The following TSC22D1 variants were observed in gnomAD, a reference collection of about 807,000 sequenced individuals.
TSC22D1 encodes the protein TSC22 domain family protein 1.
TSC22D1 carries 9 observed loss-of-function variants against 74.2 expected under a neutral mutation model. That is an observed-to-expected ratio of 0.12 (90% CI 0.07 to 0.21). The LOEUF (loss-of-function observed/expected upper bound fraction) is 0.21, where lower values mean the gene tolerates loss of function less well. TSC22D1 is among the 10% of genes least tolerant of loss of function. The pLI, the probability that TSC22D1 is intolerant of heterozygous loss-of-function variation, is 1.00. For synonymous variants in TSC22D1, 586 were observed against 492.5 expected (o/e 1.19, Z -2.51); for missense variants, 1,427 against 1,304.7 (o/e 1.09, Z -1.44).
chr13:44,432,417 C>T lies in TSC22D1; in HGVS notation c.*2209G>A, dbSNP rs1566105730. ...TTTTTTCAAGGAAATGTAATTACTACGTAAGTATTCCTTTATTAAATTTGA... is the reference window on the plus strand; with the variant it reads ...TTTTTTCAAGGAAATGTAATTACTATGTAAGTATTCCTTTATTAAATTTGA... On this transcript the variant is annotated 3_prime_UTR_variant, in exon 3 of 3. Transcript: ENST00000458659. The T allele has an allele frequency of 6.6e-6, 1 of 152,150 alleles. No individual in the cohort carries two copies. Among genetic ancestry groups the T allele is most frequent in the Non-Finnish European group, 1.5e-5 (1 of 68,012 alleles). 9.4% of individuals were successfully genotyped at this position (152,150 alleles called of 1,614,324 possible).
chr13:44,542,475 A>T (rs9533901), intron 1 of TSC22D1, among the ~76,000 whole-genome samples: 13,262 of 152,158 alleles, frequency 0.087, 741 homozygotes, highest in Non-Finnish European at 0.12. Context: ...CAACAAACTT[A>T]GATTTAAAAA....
At chr13:44,544,372 A>G (rs1216349661) in intron 1 of TSC22D1, among the ~76,000 whole-genome samples, 3 of 151,202 alleles carry the variant, frequency 2.0e-5, no homozygotes, top group Non-Finnish European at 4.4e-5. Context: ...AAAAAAACCC[A>G]CCCAAGTTCT....
At chr13:44,490,832 G>A (rs1043856421) in intron 1 of TSC22D1, among the ~76,000 whole-genome samples, 1 of 151,602 alleles carries the variant, frequency 6.6e-6, no homozygotes, top group Non-Finnish European at 1.5e-5. Context: ...GGGAGGTGGA[G>A]GTTGCGGTGA....
At chr13:44,529,119 A>G (rs895817688) in intron 1 of TSC22D1, among the ~76,000 whole-genome samples, 1 of 152,070 alleles carries the variant, frequency 6.6e-6, no homozygotes, top group Non-Finnish European at 1.5e-5. Context: ...CTAGAAAAAG[A>G]TAATACTAGA....
Position 44,575,856 on chromosome 13 carries a change from A to G in TSC22D1, c.219T>C (p.Ser73=). 6.2e-7 allele frequency: 1 copy of G among 1,614,092 alleles called. No homozygotes were observed. Among genetic ancestry groups the G allele is most frequent in the Non-Finnish European group, 8.5e-7 (1 of 1,180,002 alleles). The change falls in exon 1 of 3, where the codon TCT becomes TCC. Residue 73 remains serine (S), a synonymous_variant. Transcript: ENST00000458659. ...LLQPPPPAAS[S]TSGPQPPPPQ... Reference sequence around the variant, plus strand: ...GAGGCGGAGGCTGTGGTCCCGACGTAGAAGATGCTGCAGGGGGCGGCGGCT... The same window carrying G: ...GAGGCGGAGGCTGTGGTCCCGACGTGGAAGATGCTGCAGGGGGCGGCGGCT...
chr13:44,512,429 A>G (rs536654077), intron 1 of TSC22D1, among the ~76,000 whole-genome samples: 39 of 151,822 alleles, frequency 2.6e-4, no homozygotes, highest in Non-Finnish European at 5.4e-4. Flanking sequence ...TCGGCCTCCC[A>G]AAGTGCTGGG....
At chr13:44,487,498 CAAAAAAAAAAAAA>C (rs61034237) in intron 1 of TSC22D1, among the ~76,000 whole-genome samples, 9 of 23,460 alleles carry the variant, frequency 3.8e-4, no homozygotes, top group Admixed American at 8.8e-4. Context: ...GACTCCATCT[CAAAAAAAAAAAAA>C]AAAAAAAAAA....
At chr13:44,486,422 T>C (rs901287653) in intron 1 of TSC22D1, among the ~76,000 whole-genome samples, 7 of 152,138 alleles carry the variant, frequency 4.6e-5, no homozygotes, top group Admixed American at 4.6e-4. Context: ...CATAACAGGC[T>C]TCAATGCACC....
rs770253902 is a variant in TSC22D1 at position 44,483,529 on chromosome 13, C to A, written c.2913-47434G>T. Among the ~76,000 whole-genome samples the A allele has an allele frequency of 7.9e-5, 12 of 152,000 alleles. 1 individual carries two copies. The highest frequency in any genetic ancestry group is 2.0e-4 in the Admixed American group (3 of 15,262). ...ACAAAAAATAAATAAAAAAATTAGC[C>A]GGGCGTGGTAGCAGGCGCCTGTAGT... On this transcript the variant is annotated intron_variant, in intron 1 of 2. Transcript: ENST00000458659.
chr13:44,470,288 A>C (rs1191739199), intron 1 of TSC22D1, among the ~76,000 whole-genome samples: 3 of 152,168 alleles, frequency 2.0e-5, no homozygotes, highest in African/African-American at 7.2e-5. Context: ...GTATCCACTA[A>C]TGAGCAAACC....
At chr13:44,534,043 C>T (rs60186305) in intron 1 of TSC22D1, among the ~76,000 whole-genome samples, 8 of 151,758 alleles carry the variant, frequency 5.3e-5, no homozygotes, top group Admixed American at 3.3e-4. Flanking sequence ...TCAGCCTGGG[C>T]GACATAAACT....
At chr13:44,437,581 C>T (rs1874824373) in intron 1 of TSC22D1, among the ~76,000 whole-genome samples, 1 of 152,182 alleles carries the variant, frequency 6.6e-6, no homozygotes, top group African/African-American at 2.4e-5. Flanking sequence ...CTTAAAATCA[C>T]ATCTCCCTAT....
At chr13:44,448,164 G>T (rs774091155) in intron 1 of TSC22D1, among the ~76,000 whole-genome samples, 1 of 151,986 alleles carries the variant, frequency 6.6e-6, no homozygotes, top group South Asian at 2.1e-4. Context: ...TTTCTATTTC[G>T]AGAACCTCAT....
At chr13:44,539,545 A>G in intron 1 of TSC22D1, 1 of 985,346 alleles carries the variant, frequency 1.0e-6, no homozygotes, top group Non-Finnish European at 1.2e-6. Context: ...TCGTCAAATC[A>G]TGTGCCCCAA....
At chr13:44,496,125 A>C (rs752592449) in intron 1 of TSC22D1, among the ~76,000 whole-genome samples, 1 of 152,360 alleles carries the variant, frequency 6.6e-6, no homozygotes, top group Non-Finnish European at 1.5e-5. Flanking sequence ...ACACAACTCA[A>C]TTAAAAAATG....
chr13:44,552,727 G>C (rs901146724), intron 1 of TSC22D1, among the ~76,000 whole-genome samples: 1 of 152,178 alleles, frequency 6.6e-6, no homozygotes, highest in Non-Finnish European at 1.5e-5. Context: ...GGTGGCTCAC[G>C]CCTGTAATCC....
intron 1 of TSC22D1, among the ~76,000 whole-genome samples, chr13:44,535,434 A>C (rs575136473): frequency 3.2e-4 from 48 of 152,238 alleles, no homozygotes; most frequent in Admixed American, 2.6e-3. Flanking sequence ...ATATTTTTAA[A>C]GGGAAACAAA....
At chr13:44,525,252 G>C (rs1402233043) in intron 1 of TSC22D1, among the ~76,000 whole-genome samples, 1 of 152,126 alleles carries the variant, frequency 6.6e-6, no homozygotes, top group Non-Finnish European at 1.5e-5. Context: ...ACAATCAACA[G>C]AGCTCCTGTA....
At chr13:44,543,409 T>C (rs1881601278) in intron 1 of TSC22D1, among the ~76,000 whole-genome samples, 1 of 152,192 alleles carries the variant, frequency 6.6e-6, no homozygotes, top group Non-Finnish European at 1.5e-5. Flanking sequence ...AACTTAATGG[T>C]TTATAAATTT....
Sources: allele counts gnomAD v4.1 joint callset (sites outside exome capture counted in the v4.1 genomes callset), GRCh38; gene constraint gnomAD v4.1.1; transcripts MANE v1.5; gene names NCBI Gene and HGNC (gene_info 2026-07-23, HGNC 2026-07-21).